Variants in PUS1 observed in about 807,000 individuals in gnomAD.
The protein encoded by PUS1 is pseudouridylate synthase 1 homolog.
Under a neutral mutation model 38.5 loss-of-function variants are expected in PUS1, and 25 were observed. The observed-to-expected ratio is 0.65, with a 90% CI of 0.47 to 0.91. PUS1 has a LOEUF of 0.91. Among genes scored for constraint, PUS1 ranks in the 40% least tolerant of loss-of-function variants. The pLI is 0.00. For synonymous variants in PUS1, 282 were observed against 260.4 expected, an observed-to-expected ratio of 1.08 and a Z score of -0.80; for missense variants, 597 against 612.3, an observed-to-expected ratio of 0.97 and a Z score of 0.26.
chr12:131,929,522 A>G lies in PUS1; in HGVS notation c.-201A>G, dbSNP rs1335540025. 1 of 504,086 alleles carries G rather than the reference A, an allele frequency of 2.0e-6. No individual in the cohort carries two copies. The allele number at this position is 504,086 out of a possible 1,614,324, so 31.2% of individuals were successfully genotyped here. ...GAGAGGTCAGGGGTCAGCAGGAGTG[A>G]GGCTGGGGCGTCCAGGTCCGAGAGG... On this transcript the variant is annotated 5_prime_UTR_variant, in exon 1 of 6. Transcript: ENST00000376649.
chr12:131,934,095 A>T (rs1890723451), intron 3 of PUS1, among the ~76,000 whole-genome samples: 1 of 152,216 alleles, frequency 6.6e-6, no homozygotes. Flanking sequence ...AAGATCAAAG[A>T]CTTTAATACT....
intron 3 of PUS1, among the ~76,000 whole-genome samples, chr12:131,938,575 C>G (rs1890929744): frequency 6.6e-6 from 1 of 152,230 alleles, no homozygotes; most frequent in African/African-American, 2.4e-5. Flanking sequence ...TGTGTACGCA[C>G]TGCCTGTCCT....
chr12:131,930,294 T>C (rs1451778846), intron 2 of PUS1, among the ~76,000 whole-genome samples, 159 bp downstream of exon 2: 1 of 152,146 alleles, frequency 6.6e-6, no homozygotes, highest in Non-Finnish European at 1.5e-5. Context: ...CTTTCACTGC[T>C]CCTGCTGCAC....
rs375437903 is a variant in PUS1, at chr12:131,943,350, T to G, written c.1237-189T>G. On this transcript the variant is annotated intron_variant, in intron 5 of 5. Coordinates refer to ENST00000376649, the MANE Select transcript of PUS1 (RefSeq NM_025215.6). ...AAGGCCCCTCTAGTGTCCCCAGCCCTTGGCTTTCCCTGCACAGGTTCCTGA... is the reference window on the plus strand; with the variant it reads ...AAGGCCCCTCTAGTGTCCCCAGCCCGTGGCTTTCCCTGCACAGGTTCCTGA... Among the ~76,000 whole-genome samples, 42 of 152,362 alleles carry G rather than the reference T, an allele frequency of 2.8e-4. 1 individual carries two copies. In the South Asian group the frequency reaches 8.5e-3, roughly 31 times the overall value.
chr12:131,941,195 TA>T lies in PUS1; in HGVS notation c.545-95del. The T allele has an allele frequency of 1.9e-6, 2 of 1,080,462 alleles. No individual in the cohort carries two copies. The highest frequency in any genetic ancestry group is 2.8e-6 in the Non-Finnish European group (2 of 721,488). 66.9% of individuals were successfully genotyped at this position (1,080,462 alleles called of 1,614,324 possible). On this transcript the variant is annotated intron_variant, in intron 4 of 5. Coordinates refer to ENST00000376649, the MANE Select transcript of PUS1 (RefSeq NM_025215.6). This position sits in a 1 kb window ranked among gnomAD's most constrained non-coding sequence, Gnocchi z 4.4. ...GCTGGAGCTTGGTCGGTGCTCTGGG[TA>T]AGGAGACGCTGGGGCTCACGCCGTG...
At chr12:131,939,498 A>T (rs886083770) in intron 4 of PUS1, among the ~76,000 whole-genome samples, 1 of 152,210 alleles carries the variant, frequency 6.6e-6, no homozygotes, top group African/African-American at 2.4e-5. Flanking sequence ...GTTTTAAGCA[A>T]ACACAGGATG....
Position 131,943,558 on chromosome 12 carries a change from G to A in PUS1, c.1256G>A (p.Gly419Asp), listed in dbSNP as rs1001967684. The A allele has an allele frequency of 6.2e-7, 1 of 1,613,648 alleles. No individual in the cohort carries two copies. Among genetic ancestry groups the A allele is most frequent in the African/African-American group, 1.3e-5 (1 of 74,926 alleles). Residue 419 changes from glycine (G) to aspartate (D), a missense_variant, in exon 6 of 6, where the codon GGC becomes GAC. Coordinates refer to ENST00000376649, the MANE Select transcript of PUS1 (RefSeq NM_025215.6). ...CTGCAGGTGCCCAGTCCCCTGGAAG[G>A]CAGTGAAGGGGACGGAGACACTGAC... Reference protein sequence around the residue: ...TGAKVPSPLEGSEGDGDTD With the variant: ...TGAKVPSPLEDSEGDGDTD
chr12:131,943,848 T>A lies in PUS1; in HGVS notation c.*262T>A. 1 of 466,238 alleles carries A rather than the reference T, an allele frequency of 2.1e-6. No homozygotes were observed. The highest frequency in any genetic ancestry group is 4.0e-5 in the East Asian group (1 of 24,794). The allele number at this position is 466,238 out of a possible 1,614,324, so 28.9% of individuals were successfully genotyped here. The stretch of plus-strand genomic sequence containing the variant: ...TTTTCTTATTAAACAAGTACAAATT[T>A]TGCTTAGTCAATCCTTGGTTTGCCT... On this transcript the variant is annotated 3_prime_UTR_variant, in exon 6 of 6. Transcript: ENST00000376649.
intron 3 of PUS1, chr12:131,932,883 T>G (rs1890669716): frequency 4.6e-6 from 2 of 430,630 alleles, no homozygotes; most frequent in South Asian, 3.3e-5. Flanking sequence ...TGCTCAAGAT[T>G]GGGCAGTTTA....
chr12:131,939,091 C>G, intron 3 of PUS1, 82 bp from the exon 4 acceptor site: 1 of 880,980 alleles, frequency 1.1e-6, no homozygotes. Flanking sequence ...GACGTAAGGT[C>G]CGCGTAGTCC....
rs138198591 is a variant in PUS1, at chr12:131,941,887, C to T, written c.1140C>T (p.Thr380=). The part of the protein sequence containing the change: ...EEHIYPTIIG[T]ERDERSMAQW... ...ACATCTACCCCACCATCATCGGCACCGAGCGGGACGAACGCTCCATGGCCC... is the reference window on the plus strand; with the variant it reads ...ACATCTACCCCACCATCATCGGCACTGAGCGGGACGAACGCTCCATGGCCC... The change falls in exon 5 of 6, where the codon ACC becomes ACT. Residue 380 remains threonine (T), a synonymous_variant. Transcript: ENST00000376649. The surrounding 1 kb of genome is among the most constrained non-coding windows in gnomAD (Gnocchi z 4.4). The T allele has an allele frequency of 1.1e-3, 1,740 of 1,613,594 alleles. 7 individuals carry two copies. In the Middle Eastern group the frequency reaches 0.017, roughly 16 times the overall value.
intron 3 of PUS1, among the ~76,000 whole-genome samples, chr12:131,936,150 G>T (rs1890821008): frequency 6.6e-6 from 1 of 151,278 alleles, no homozygotes; most frequent in African/African-American, 2.4e-5. Flanking sequence ...GGCGGAGGTT[G>T]AAGTAAGCTG....
intron 3 of PUS1, among the ~76,000 whole-genome samples, chr12:131,935,612 G>A (rs912432342): frequency 5.3e-5 from 8 of 152,110 alleles, no homozygotes; most frequent in East Asian, 1.9e-4. Context: ...TTGGCTCACC[G>A]CAACCTCACC....
At chr12:131,929,828 T>TGGCCG in intron 1 of PUS1, 32 bp downstream of exon 1, 2 of 1,541,672 alleles carry the variant, frequency 1.3e-6, no homozygotes, top group Non-Finnish European at 1.7e-6. Context: ...GACCCCGCTA[T>TGGCCG]GCCCGCCCAG....
In PUS1 at chr12:131,929,991, C is replaced by G. The variant is rs757565301; in HGVS notation, c.159C>G (p.Ala53=). 6.7e-6 allele frequency: 10 copies of G among 1,484,282 alleles called. No homozygotes were observed. The highest frequency in any genetic ancestry group is 8.9e-6 in the Non-Finnish European group (10 of 1,127,904). 91.9% of individuals were successfully genotyped at this position (1,484,282 alleles called of 1,614,324 possible). ...ACCGGAGGTCCTGCAGCGGCCGGGC[C>G]GGGGGCGACCGCGTCTGGGAGGACG... ...PQDRRSCSGR[A]GGDRVWEDGE... Residue 53 remains alanine (A), a synonymous_variant, in exon 2 of 6, where the codon GCC becomes GCG. Coordinates refer to ENST00000376649, the MANE Select transcript of PUS1 (RefSeq NM_025215.6).
Position 131,929,962 on chromosome 12 carries a change from C to G in PUS1, c.130C>G (p.Gln44Glu). The G allele has an allele frequency of 1.3e-6, 2 of 1,517,014 alleles. No homozygotes were observed. Among genetic ancestry groups the G allele is most frequent in the African/African-American group, 2.9e-5 (2 of 69,738 alleles). 94.0% of individuals were successfully genotyped at this position (1,517,014 alleles called of 1,614,324 possible). ...GCCGCCCGCCGGAGCCGCATGCCCC[C>G]AGGACCGGAGGTCCTGCAGCGGCCG... ...EPPPAGAACP[Q>E]DRRSCSGRAG... The change falls in exon 2 of 6, where the codon CAG (glutamine) becomes GAG (glutamate). Residue 44 changes from glutamine (Q) to glutamate (E), a missense_variant. Gln to Glu is a conservative substitution (Grantham distance 29). Coordinates refer to ENST00000376649, the MANE Select transcript of PUS1 (RefSeq NM_025215.6).
At chr12:131,930,807 T>C (rs1337531859) in intron 2 of PUS1, among the ~76,000 whole-genome samples, 1 of 152,082 alleles carries the variant, frequency 6.6e-6, no homozygotes, top group Non-Finnish European at 1.5e-5. Flanking sequence ...TTTTTATAAT[T>C]TGCAGGAATG....
intron 3 of PUS1, among the ~76,000 whole-genome samples, chr12:131,937,970 C>G (rs1239917655): frequency 6.6e-6 from 1 of 152,172 alleles, no homozygotes; most frequent in Admixed American, 6.5e-5. Flanking sequence ...CTCTATCAAC[C>G]TGATAGAGTA....
chr12:131,941,746 G>A lies in PUS1; in HGVS notation c.999G>A (p.Leu333=). Residue 333 remains leucine (L), a synonymous_variant, in exon 5 of 6, where the codon CTG becomes CTA. Transcript: ENST00000376649. The surrounding 1 kb of genome is among the most constrained non-coding windows in gnomAD (Gnocchi z 4.4). ...TGCCCAAGGCGCCCGGACTCGGCCT[G>A]GTCCTGGAGAGGGTGCACTTCGAGA... ...VDVPKAPGLG[L]VLERVHFEKY... is the part of the protein sequence containing the mutation. 12 of 1,614,028 alleles carry A rather than the reference G, an allele frequency of 7.4e-6. No individual in the cohort carries two copies. The highest frequency in any genetic ancestry group is 1.0e-5 in the Non-Finnish European group (12 of 1,179,904).
Sources: gnomAD v4.1 joint callset for allele counts (sites outside exome capture counted in the v4.1 genomes callset) on GRCh38, gnomAD v4.1.1 for gene constraint, Gnocchi (gnomAD v3.1) non-coding constraint, MANE v1.5 for transcripts, NCBI Gene and HGNC (gene_info 2026-07-23, HGNC 2026-07-21) for gene names.